IQSEC1: variants seen among roughly 807,000 people sequenced by gnomAD.
IQSEC1 encodes IQ motif and SEC7 domain-containing protein 1.
Under a neutral mutation model 91.0 loss-of-function variants are expected in IQSEC1, and 31 were observed. That is an observed-to-expected ratio of 0.34 (90% CI 0.26 to 0.46). The LOEUF (loss-of-function observed/expected upper bound fraction) is 0.46. Ranked by LOEUF, IQSEC1 falls within the 20% of genes least tolerant of loss-of-function variation. The pLI is 1.00. For synonymous variants in IQSEC1, 699 were observed against 662.6 expected, an observed-to-expected ratio of 1.05 and a Z score of -0.84; for missense variants, 1,388 against 1,575.6, an observed-to-expected ratio of 0.88 and a Z score of 2.02.
At chr3:13,043,050 G>C (rs979146009) in intron 1 of IQSEC1, among the ~76,000 whole-genome samples, 2 of 152,200 alleles carry the variant, frequency 1.3e-5, no homozygotes, top group Admixed American at 6.5e-5. Context: ...GGGTCGCCCA[G>C]CGCCTGCCGT....
chr3:13,258,118 G>T (rs1012521855), intron 1 of IQSEC1, among the ~76,000 whole-genome samples: 1 of 152,178 alleles, frequency 6.6e-6, no homozygotes, highest in African/African-American at 2.4e-5. Flanking sequence ...CGGGGGGCGG[G>T]GGCAGAAACA....
intron 2 of IQSEC1, among the ~76,000 whole-genome samples, chr3:13,090,710 C>T (rs1705844651): frequency 6.6e-6 from 1 of 152,234 alleles, no homozygotes; most frequent in African/African-American, 2.4e-5. Context: ...TTTAAAGGGA[C>T]TTTGCTGGGC....
intron 1 of IQSEC1, among the ~76,000 whole-genome samples, chr3:13,033,766 T>C (rs1229763400): frequency 6.6e-6 from 1 of 152,124 alleles, no homozygotes; most frequent in Non-Finnish European, 1.5e-5. Flanking sequence ...ATTACTGAGC[T>C]TCTGTTCAAT....
At chr3:13,281,506 T>C (rs1695789006) in intron 1 of IQSEC1, among the ~76,000 whole-genome samples, 1 of 151,514 alleles carries the variant, frequency 6.6e-6, no homozygotes, top group Admixed American at 6.6e-5. Context: ...CTCACAATGC[T>C]CCTCCTCCAA....
chr3:13,176,397 A>AC (rs200471374), intron 1 of IQSEC1, among the ~76,000 whole-genome samples: 3,212 of 152,066 alleles, frequency 0.021, 48 homozygotes, highest in South Asian at 0.033. Context: ...GACTCTCCAG[A>AC]CCCCATGAGA....
At chr3:13,145,607 C>G (rs888416884) in intron 2 of IQSEC1, among the ~76,000 whole-genome samples, 2 of 152,116 alleles carry the variant, frequency 1.3e-5, no homozygotes, top group Admixed American at 1.3e-4. Context: ...TTGGCCCAAC[C>G]ATGACTTTCC....
intron 1 of IQSEC1, among the ~76,000 whole-genome samples, chr3:12,974,091 T>C (rs371380144): frequency 1.3e-5 from 2 of 152,220 alleles, no homozygotes; most frequent in East Asian, 3.9e-4. Flanking sequence ...AGGGCTGCAA[T>C]AAAGAACCAC....
intron 9 of IQSEC1, 84 bp from the exon 10 acceptor site, chr3:12,911,812 G>T: frequency 1.1e-6 from 1 of 923,318 alleles, no homozygotes; most frequent in Non-Finnish European, 1.7e-6. Context: ...GGATCCTCCT[G>T]GAGTTCAAAG....
intron 1 of IQSEC1, among the ~76,000 whole-genome samples, chr3:13,070,153 C>A (rs1705367895): frequency 6.6e-6 from 1 of 152,200 alleles, no homozygotes; most frequent in South Asian, 2.1e-4. Context: ...CCTGGCTGTG[C>A]CATGCACAGG....
At chr3:12,913,270 A>C (rs1246220440) in intron 9 of IQSEC1, among the ~76,000 whole-genome samples, 158 bp downstream of exon 9, 1 of 152,242 alleles carries the variant, frequency 6.6e-6, no homozygotes, top group Non-Finnish European at 1.5e-5. Flanking sequence ...GAGCCAATGA[A>C]GTCTGTCTTC....
intron 1 of IQSEC1, among the ~76,000 whole-genome samples, chr3:13,233,915 G>T (rs911923852): frequency 6.6e-6 from 1 of 152,174 alleles, no homozygotes; most frequent in East Asian, 1.9e-4. Flanking sequence ...CAAAAAGTGG[G>T]GAGGGTGAAT....
At chr3:13,034,635 C>G (rs1293523624) in intron 1 of IQSEC1, among the ~76,000 whole-genome samples, 1 of 152,168 alleles carries the variant, frequency 6.6e-6, no homozygotes, top group African/African-American at 2.4e-5. Context: ...GCCCGTGACT[C>G]GCACTAGGAG....
intron 1 of IQSEC1, among the ~76,000 whole-genome samples, chr3:13,065,874 C>G (rs928597347): frequency 6.6e-6 from 1 of 152,232 alleles, no homozygotes; most frequent in African/African-American, 2.4e-5. Context: ...AAAATGTGGT[C>G]CATCCGCACA....
In IQSEC1 at chr3:13,011,965, T is replaced by C. The variant is rs147143053; in HGVS notation, c.23+61027A>G. 7.8e-4 allele frequency among the ~76,000 whole-genome samples: 118 copies of C among 152,214 alleles called. 1 individual carries two copies. Among genetic ancestry groups the C allele is most frequent in the African/African-American group, 2.7e-3 (111 of 41,530 alleles). ...TGGGGGACTCACTTAAGAAGGGTGGTTTGTTCCAGCACCTGATCAGAACCT... is the reference window on the plus strand; with the variant it reads ...TGGGGGACTCACTTAAGAAGGGTGGCTTGTTCCAGCACCTGATCAGAACCT... On this transcript the variant is annotated intron_variant, in intron 1 of 13. Transcript: ENST00000613206.
chr3:13,175,421 C>T (rs1693707615), intron 1 of IQSEC1, among the ~76,000 whole-genome samples: 1 of 152,206 alleles, frequency 6.6e-6, no homozygotes, highest in South Asian at 2.1e-4. Context: ...TGTAGTTCAC[C>T]TCCCCCTGCT....
chr3:13,022,028 G>T, intron 1 of IQSEC1: 1 of 1,231,392 alleles, frequency 8.1e-7, no homozygotes, highest in African/African-American at 1.6e-5. Context: ...CACGCGTCCC[G>T]GTACCTGAGT....
intron 1 of IQSEC1, among the ~76,000 whole-genome samples, chr3:13,272,895 A>T (rs1409203864): frequency 6.6e-6 from 1 of 152,198 alleles, no homozygotes; most frequent in Non-Finnish European, 1.5e-5. Context: ...AGCAGCATTA[A>T]CTATGCAGAG....
intron 1 of IQSEC1, among the ~76,000 whole-genome samples, chr3:13,061,248 C>A (rs574607732): frequency 6.6e-6 from 1 of 152,178 alleles, no homozygotes; most frequent in East Asian, 1.9e-4. Context: ...CTCTCTTCAT[C>A]GTTCCTCCCC....
At chr3:13,045,726 G>A (rs994603000) in intron 1 of IQSEC1, among the ~76,000 whole-genome samples, 2 of 152,374 alleles carry the variant, frequency 1.3e-5, no homozygotes, top group Admixed American at 6.5e-5. Context: ...TTCAGATGGA[G>A]CTGCAGTGGC....
Sources: allele counts gnomAD v4.1 joint callset (sites outside exome capture counted in the v4.1 genomes callset), GRCh38; gene constraint gnomAD v4.1.1; transcripts MANE v1.5; gene names NCBI Gene and HGNC (gene_info 2026-07-23, HGNC 2026-07-21).